AGBL4: variants seen among roughly 807,000 people sequenced by gnomAD.
The protein encoded by AGBL4 is cytosolic carboxypeptidase 6.
Under a neutral mutation model 66.4 loss-of-function variants are expected in AGBL4, and 58 were observed. The ratio of observed to expected loss-of-function variants is 0.87; its 90% CI spans 0.71 to 1.09. The LOEUF is 1.09. AGBL4 is among the 50% of genes least tolerant of loss of function. AGBL4 has a pLI of 0.00. For missense variants in AGBL4, 579 were observed against 631.0 expected, an observed-to-expected ratio of 0.92 and a Z score of 0.88; for synonymous variants, 234 against 222.9, an observed-to-expected ratio of 1.05 and a Z score of -0.44.
intron 5 of AGBL4, among the ~76,000 whole-genome samples, chr1:48,922,966 T>C (rs1654219222): frequency 6.6e-6 from 1 of 151,154 alleles, no homozygotes; most frequent in African/African-American, 2.4e-5. Flanking sequence ...AGGAAGAAAA[T>C]ATTCAGCATA....
chr1:49,605,477 T>G (rs1419459408), intron 3 of AGBL4, among the ~76,000 whole-genome samples: 1 of 152,058 alleles, frequency 6.6e-6, no homozygotes, highest in Non-Finnish European at 1.5e-5. Context: ...AAGCACAACA[T>G]TTAATTAAGG....
intron 1 of AGBL4, among the ~76,000 whole-genome samples, chr1:50,008,931 A>G (rs1049179538): frequency 6.6e-6 from 1 of 152,084 alleles, no homozygotes; most frequent in Non-Finnish European, 1.5e-5. Flanking sequence ...GACACATACA[A>G]CCTACCAAGA....
At chr1:49,856,005 C>T (rs1052031783) in intron 1 of AGBL4, among the ~76,000 whole-genome samples, 11 of 150,416 alleles carry the variant, frequency 7.3e-5, no homozygotes, top group East Asian at 3.9e-4. Context: ...GCTAGCTAAA[C>T]GATACAAAGA....
intron 5 of AGBL4, among the ~76,000 whole-genome samples, chr1:48,898,239 C>T (rs563664705): frequency 1.3e-5 from 2 of 152,044 alleles, no homozygotes; most frequent in Non-Finnish European, 2.9e-5. Context: ...ATGTTTTCTC[C>T]CATTCTGTGG....
intron 3 of AGBL4, among the ~76,000 whole-genome samples, chr1:49,401,727 T>C (rs773050066): frequency 1.8e-4 from 28 of 152,262 alleles, no homozygotes; most frequent in Admixed American, 9.2e-4. Context: ...CCCTCCTCTA[T>C]TTTTCAGAAC....
intron 3 of AGBL4, among the ~76,000 whole-genome samples, chr1:49,308,727 A>G (rs1329848829): frequency 6.6e-6 from 1 of 152,212 alleles, no homozygotes; most frequent in Non-Finnish European, 1.5e-5. Flanking sequence ...ATGGAACAGA[A>G]TGAGAAAAGG....
chr1:49,488,289 T>C (rs1330204527), intron 3 of AGBL4, among the ~76,000 whole-genome samples: 1 of 151,678 alleles, frequency 6.6e-6, no homozygotes, highest in Non-Finnish European at 1.5e-5. Flanking sequence ...TTTGTCCACA[T>C]ATTTTTGTAT....
chr1:49,542,146 C>T (rs1049207037), intron 3 of AGBL4, among the ~76,000 whole-genome samples: 4 of 152,182 alleles, frequency 2.6e-5, no homozygotes, highest in African/African-American at 7.2e-5. Flanking sequence ...CTCTGTAAAA[C>T]AGACCAATTA....
At chr1:49,668,930 T>A (rs1646421768) in intron 3 of AGBL4, among the ~76,000 whole-genome samples, 1 of 152,180 alleles carries the variant, frequency 6.6e-6, no homozygotes, top group Admixed American at 6.5e-5. Context: ...TACCATATAA[T>A]CTTTCATCTT....
chr1:49,751,234 C>T (rs571911067), intron 2 of AGBL4, among the ~76,000 whole-genome samples: 131 of 152,144 alleles, frequency 8.6e-4, no homozygotes, highest in African/African-American at 3.0e-3. Flanking sequence ...ATAAATAGCT[C>T]TTATTATTTT....
intron 11 of AGBL4, among the ~76,000 whole-genome samples, chr1:48,555,989 T>C (rs949395457): frequency 6.6e-6 from 1 of 152,154 alleles, no homozygotes; most frequent in East Asian, 1.9e-4. Context: ...CAGGGAGCTC[T>C]GTGCTCCCTA....
At chr1:48,722,401 T>A (rs957555568) in intron 6 of AGBL4, among the ~76,000 whole-genome samples, 1 of 152,186 alleles carries the variant, frequency 6.6e-6, no homozygotes, top group African/African-American at 2.4e-5. Flanking sequence ...TACTGAAGGC[T>A]GGAACTGGGG....
At chr1:49,859,852 T>C (rs1469182103) in intron 1 of AGBL4, among the ~76,000 whole-genome samples, 2 of 151,934 alleles carry the variant, frequency 1.3e-5, no homozygotes, top group African/African-American at 4.8e-5. Context: ...CACAAAGAAG[T>C]TACTAAAAAG....
intron 3 of AGBL4, among the ~76,000 whole-genome samples, chr1:49,377,696 G>A (rs767793207): frequency 1.2e-4 from 18 of 152,004 alleles, no homozygotes; most frequent in Admixed American, 3.9e-4. Flanking sequence ...TTTTATATTC[G>A]TTTTCCTGAG....
At chr1:49,142,514 A>G (rs680470) in intron 4 of AGBL4, among the ~76,000 whole-genome samples, 3,305 of 152,288 alleles carry the variant, frequency 0.022, 110 homozygotes, top group African/African-American at 0.074. Context: ...ACCTGCCCTC[A>G]TGAGAGTAGT....
chr1:49,315,006 T>C (rs1645013339), intron 3 of AGBL4, among the ~76,000 whole-genome samples: 1 of 152,040 alleles, frequency 6.6e-6, no homozygotes, highest in African/African-American at 2.4e-5. Context: ...GACTTCAGAC[T>C]ACACTACAAG....
At chr1:50,022,948 G>A (rs1280010924) in intron 1 of AGBL4, among the ~76,000 whole-genome samples, 1 of 152,142 alleles carries the variant, frequency 6.6e-6, no homozygotes, top group Non-Finnish European at 1.5e-5. Context: ...CCAGCCATAT[G>A]CACAAGGGGT....
At chr1:50,008,383 C>T (rs894385824) in intron 1 of AGBL4, among the ~76,000 whole-genome samples, 6 of 151,878 alleles carry the variant, frequency 4.0e-5, no homozygotes, top group South Asian at 2.1e-4. Context: ...TCTATAGAAA[C>T]GTATGGAAAT....
chr1:48,605,063 T>C (rs900423820), intron 9 of AGBL4, among the ~76,000 whole-genome samples: 3 of 152,230 alleles, frequency 2.0e-5, no homozygotes, highest in Admixed American at 6.5e-5. Context: ...ATAGTCATTA[T>C]CTCATTCTTA....
Sources: gnomAD v4.1 joint callset for allele counts (sites outside exome capture counted in the v4.1 genomes callset) on GRCh38, gnomAD v4.1.1 for gene constraint, MANE v1.5 for transcripts, NCBI Gene and HGNC (gene_info 2026-07-23, HGNC 2026-07-21) for gene names.